Variants in PALD1 observed in about 807,000 individuals in gnomAD.
PALD1 encodes the protein phosphatase domain containing paladin 1, also known as paladin.
Under a neutral mutation model 96.0 loss-of-function variants are expected in PALD1, and 57 were observed. The ratio of observed to expected loss-of-function variants is 0.59; its 90% confidence interval spans 0.48 to 0.74. The LOEUF (loss-of-function observed/expected upper bound fraction) is 0.74, where lower values mean the gene tolerates loss of function less well. PALD1 is among the 30% of genes least tolerant of loss of function. PALD1 has a pLI of 0.00. For missense variants in PALD1, 1,063 were observed against 1,143.7 expected (o/e 0.93, Z 1.02); for synonymous variants, 464 against 473.6 (o/e 0.98, Z 0.26).
At position 70,568,237 on chromosome 10, in the gene PALD1, G is replaced by C. The variant is rs1274222793; in HGVS notation, c.*1504G>C. On this transcript the variant is annotated 3_prime_UTR_variant, in exon 20 of 20. Coordinates refer to ENST00000263563, the MANE Select transcript of PALD1 (RefSeq NM_014431.3). ...GCGGAGTCAGAGATGGGACTGAATGGGGAGGGATCCTTTGTGTTCTCATGG... is the reference window on the plus strand; with the variant it reads ...GCGGAGTCAGAGATGGGACTGAATGCGGAGGGATCCTTTGTGTTCTCATGG... 6.5e-6 allele frequency: 1 copy of C among 152,732 alleles called. No homozygotes were observed. The highest frequency in any genetic ancestry group is 1.5e-5 in the Non-Finnish European group (1 of 68,054). The allele number at this position is 152,732 out of a possible 1,614,324, so 9.5% of individuals were successfully genotyped here. A position where few individuals can be genotyped will look rare whatever the true frequency, so the allele number is the denominator to read the frequency against.
intron 1 of PALD1, among the ~76,000 whole-genome samples, chr10:70,495,692 A>G (rs1846182452): frequency 6.6e-6 from 1 of 152,054 alleles, no homozygotes; most frequent in African/African-American, 2.4e-5. Flanking sequence ...CAATAAGTAC[A>G]AGTTACTTTT....
Position 70,560,569 on chromosome 10 carries a change from G to A in PALD1, c.2263-3795G>A, listed in dbSNP as rs140463658. 2.2e-3 allele frequency among the ~76,000 whole-genome samples: 341 copies of A among 152,054 alleles called. 2 individuals are homozygous for A. The highest frequency in any genetic ancestry group is 7.7e-3 in the African/African-American group (321 of 41,494). On this transcript the variant is annotated intron_variant, in intron 18 of 19. Transcript: ENST00000263563. ...GGTCAGGATGTGACGCGCTCGGCCC[G>A]CAGGTGGCACTCAGTAGACCCTGAC...
At position 70,526,895 on chromosome 10, in the gene PALD1, C is replaced by T. The variant is rs374831455; in HGVS notation, c.185+759C>T. Among the ~76,000 whole-genome samples, 7 of 152,250 alleles carry T rather than the reference C, an allele frequency of 4.6e-5. No individual in the cohort carries two copies. The East Asian group carries it at 1.4e-3, about 29-fold the overall frequency. The stretch of plus-strand genomic sequence containing the variant: ...TGACTAGCTAGGAATTAAATGTGTT[C>T]CGCACATCAAAGTTTGGCAAAGACT... On this transcript the variant is annotated intron_variant, in intron 2 of 19. Coordinates refer to ENST00000263563, the MANE Select transcript of PALD1 (RefSeq NM_014431.3).
At chr10:70,549,486 C>T (rs184978926) in intron 18 of PALD1, among the ~76,000 whole-genome samples, 2 of 152,220 alleles carry the variant, frequency 1.3e-5, no homozygotes, top group Non-Finnish European at 2.9e-5. Context: ...ACCCAGAGGG[C>T]GGAGCAGGGA....
intron 18 of PALD1, among the ~76,000 whole-genome samples, chr10:70,551,185 T>C (rs1399093293): frequency 2.6e-5 from 4 of 152,222 alleles, no homozygotes; most frequent in Non-Finnish European, 4.4e-5. Context: ...GCGGAGTCTC[T>C]AGAAAGGCAG....
intron 1 of PALD1, among the ~76,000 whole-genome samples, chr10:70,523,349 C>T (rs1275122824): frequency 1.3e-5 from 2 of 152,178 alleles, no homozygotes; most frequent in Non-Finnish European, 2.9e-5. Flanking sequence ...TTCTGCAGAC[C>T]CTTCTGTGTC....
At chr10:70,555,955 C>T (rs1003236765) in intron 18 of PALD1, among the ~76,000 whole-genome samples, 3 of 152,098 alleles carry the variant, frequency 2.0e-5, no homozygotes, top group African/African-American at 4.8e-5. Flanking sequence ...GAGCTGAGAT[C>T]GCACCACTGC....
At chr10:70,495,715 A>T (rs1480836991) in intron 1 of PALD1, among the ~76,000 whole-genome samples, 2 of 151,960 alleles carry the variant, frequency 1.3e-5, no homozygotes, top group Admixed American at 1.3e-4. Flanking sequence ...AATAAAAAAC[A>T]TCTGGCAGGC....
At position 70,537,723 on chromosome 10, in the gene PALD1, C is replaced by T. The variant is rs575613552; in HGVS notation, c.1228-88C>T. The T allele has an allele frequency of 1.6e-4, 140 of 852,588 alleles. No individual in the cohort carries two copies. In the African/African-American group the frequency reaches 1.9e-3, roughly 12 times the overall value. The allele number at this position is 852,588 out of a possible 1,614,324, so 52.8% of individuals were successfully genotyped here. ...GGAAAGACTGTCTTCTGGGGAGTTC[C>T]AAGGCTTAACTCCTGCCCTTGCAGG... On this transcript the variant is annotated intron_variant, in intron 10 of 19. Coordinates refer to ENST00000263563, the MANE Select transcript of PALD1 (RefSeq NM_014431.3).
At chr10:70,499,209 C>T (rs1385953727) in intron 1 of PALD1, among the ~76,000 whole-genome samples, 2 of 152,244 alleles carry the variant, frequency 1.3e-5, no homozygotes, top group Non-Finnish European at 2.9e-5. Context: ...CCTGGCTCTA[C>T]AGCCAGTGCT....
intron 17 of PALD1, among the ~76,000 whole-genome samples, chr10:70,542,523 G>A (rs1019372454): frequency 6.6e-6 from 1 of 152,148 alleles, no homozygotes; most frequent in African/African-American, 2.4e-5. Flanking sequence ...GAGTGGAATC[G>A]TACAGTATTT....
intron 11 of PALD1, 62 bp downstream of exon 11, chr10:70,537,968 C>T (rs911340565): frequency 4.7e-5 from 57 of 1,202,680 alleles, no homozygotes; most frequent in East Asian, 1.6e-4. Context: ...GCCTCCCCAC[C>T]GCAGTGACTG....
At position 70,513,441 on chromosome 10, in the gene PALD1, C is replaced by T. The variant is rs539690000; in HGVS notation, c.-29-12482C>T. ...GCAGGAATTGCTTGAATCCGGGAGGCGGAGGTTGCAGTGAGCCGAGATTGC... is the reference window on the plus strand; with the variant it reads ...GCAGGAATTGCTTGAATCCGGGAGGTGGAGGTTGCAGTGAGCCGAGATTGC... On this transcript the variant is annotated intron_variant, in intron 1 of 19. Coordinates refer to ENST00000263563, the MANE Select transcript of PALD1 (RefSeq NM_014431.3). Among the ~76,000 whole-genome samples, 8 of 152,226 alleles carry T rather than the reference C, an allele frequency of 5.3e-5. No individual in the cohort carries two copies. In the East Asian group the frequency reaches 9.7e-4, roughly 18 times the overall value.
intron 1 of PALD1, among the ~76,000 whole-genome samples, chr10:70,482,247 C>T (rs1043186065): frequency 1.4e-4 from 21 of 152,194 alleles, no homozygotes; most frequent in African/African-American, 3.6e-4. Flanking sequence ...CCTCCATACA[C>T]GGGGTCAGGA....
chr10:70,527,386 G>A (rs1265677262), intron 2 of PALD1, among the ~76,000 whole-genome samples: 1 of 152,182 alleles, frequency 6.6e-6, no homozygotes, highest in Non-Finnish European at 1.5e-5. Context: ...AAGTGGAAGG[G>A]ACCTCTAGAG....
chr10:70,554,762 C>T (rs577998543), intron 18 of PALD1, among the ~76,000 whole-genome samples: 2 of 152,028 alleles, frequency 1.3e-5, no homozygotes, highest in African/African-American at 4.8e-5. Flanking sequence ...CCTGTGTCTC[C>T]TGTTTTCCTT....
intron 3 of PALD1, 47 bp downstream of exon 3, chr10:70,529,378 CT>C (rs750459837): frequency 2.2e-6 from 2 of 890,624 alleles, no homozygotes; most frequent in East Asian, 2.5e-5. Flanking sequence ...CCTCCCACCC[CT>C]ATCTCTCATG....
At chr10:70,483,086 A>C (rs549781391) in intron 1 of PALD1, among the ~76,000 whole-genome samples, 54 of 152,106 alleles carry the variant, frequency 3.6e-4, no homozygotes, top group African/African-American at 1.2e-3. Flanking sequence ...ACATGCAGAC[A>C]CCATGTCTGG....
intron 1 of PALD1, among the ~76,000 whole-genome samples, chr10:70,483,769 T>A (rs911721184): frequency 1.3e-5 from 2 of 152,186 alleles, no homozygotes; most frequent in African/African-American, 4.8e-5. Flanking sequence ...TTCCTTTTCC[T>A]GGAATGGAGA....
Sources: gnomAD v4.1 joint callset for allele counts (sites outside exome capture counted in the v4.1 genomes callset) on GRCh38, gnomAD v4.1.1 for gene constraint, MANE v1.5 for transcripts, NCBI Gene and HGNC (gene_info 2026-07-23, HGNC 2026-07-21) for gene names.